Variants in PRKAR2A observed in about 807,000 individuals in gnomAD.
PRKAR2A encodes the protein cAMP-dependent protein kinase type II-alpha regulatory subunit.
Under a neutral mutation model 51.9 loss-of-function variants are expected in PRKAR2A, and 29 were observed. The observed-to-expected ratio is 0.56, with a 90% CI of 0.42 to 0.76. The LOEUF is 0.76. Among genes scored for constraint, PRKAR2A ranks in the 30% least tolerant of loss-of-function variants. The pLI is 0.00. For synonymous variants in PRKAR2A, 178 were observed against 186.2 expected, an observed-to-expected ratio of 0.96 and a Z score of 0.36; for missense variants, 445 against 512.1, an observed-to-expected ratio of 0.87 and a Z score of 1.26.
At chr3:48,838,716 T>C (rs1478199772) in intron 1 of PRKAR2A, among the ~76,000 whole-genome samples, 1 of 151,878 alleles carries the variant, frequency 6.6e-6, no homozygotes, top group Non-Finnish European at 1.5e-5. Flanking sequence ...CGATGGCTCA[T>C]GCCTGTAATC....
chr3:48,833,795 G>A (rs2083234238), intron 1 of PRKAR2A, among the ~76,000 whole-genome samples: 1 of 151,062 alleles, frequency 6.6e-6, no homozygotes, highest in South Asian at 2.1e-4. Context: ...CAGCACTTTG[G>A]GAGGCCAAGG....
At chr3:48,805,757 C>A (rs1023010006) in intron 2 of PRKAR2A, among the ~76,000 whole-genome samples, 10 of 152,204 alleles carry the variant, frequency 6.6e-5, no homozygotes, top group African/African-American at 2.2e-4. Context: ...TCTCCTGTAT[C>A]ATCCTATTGA....
intron 3 of PRKAR2A, among the ~76,000 whole-genome samples, chr3:48,792,951 G>A (rs1014147331): frequency 6.0e-5 from 9 of 150,820 alleles, no homozygotes; most frequent in Non-Finnish European, 1.2e-4. Context: ...ACAAACAAAC[G>A]TAATTTATGT....
At chr3:48,758,573 A>C (rs538155888) in intron 8 of PRKAR2A, among the ~76,000 whole-genome samples, 3 of 147,252 alleles carry the variant, frequency 2.0e-5, no homozygotes, top group Admixed American at 6.9e-5. Context: ...ACAGAGCAAG[A>C]CTGTCTCAAA....
At chr3:48,765,724 CAAAA>C (rs756566818) in intron 6 of PRKAR2A, among the ~76,000 whole-genome samples, 2 of 45,250 alleles carry the variant, frequency 4.4e-5, no homozygotes, top group African/African-American at 9.8e-5. Flanking sequence ...ACCCTCATTT[CAAAA>C]AAAAAAAAAA....
intron 1 of PRKAR2A, among the ~76,000 whole-genome samples, chr3:48,808,026 A>C (rs2082701652): frequency 6.6e-6 from 1 of 151,684 alleles, no homozygotes; most frequent in South Asian, 2.1e-4. Flanking sequence ...AAAGTAGTGA[A>C]ATTTTCTTTT....
At chr3:48,788,000 G>T (rs916726973) in intron 4 of PRKAR2A, among the ~76,000 whole-genome samples, 6 of 152,080 alleles carry the variant, frequency 3.9e-5, no homozygotes, top group African/African-American at 1.4e-4. Flanking sequence ...AGCCATTCAT[G>T]CGGTTTTAAA....
At position 48,766,408 on chromosome 3, in the gene PRKAR2A, A is replaced by C. The variant is rs376936635; in HGVS notation, c.697-1059T>G. Among the ~76,000 whole-genome samples the C allele has an allele frequency of 2.0e-5, 3 of 148,090 alleles. No individual in the cohort carries two copies. The East Asian group carries it at 6.1e-4, about 30-fold the overall frequency. ...CATGGTGAAACCCCATCTCTACAGA[A>C]AATACAAAAATTAGCTGGGCATGGT... On this transcript the variant is annotated intron_variant, in intron 6 of 10. Coordinates refer to ENST00000265563, the MANE Select transcript of PRKAR2A (RefSeq NM_004157.4).
chr3:48,787,702 T>C (rs1484625908), intron 4 of PRKAR2A, among the ~76,000 whole-genome samples: 1 of 152,218 alleles, frequency 6.6e-6, no homozygotes, highest in East Asian at 1.9e-4. Flanking sequence ...AGCCTTTCCT[T>C]GAGCTCATGG....
intron 1 of PRKAR2A, among the ~76,000 whole-genome samples, chr3:48,814,926 T>A (rs2082848542): frequency 6.6e-6 from 1 of 152,218 alleles, no homozygotes; most frequent in South Asian, 2.1e-4. Flanking sequence ...TTTGTTTTAT[T>A]TTTGAGACAG....
intron 1 of PRKAR2A, among the ~76,000 whole-genome samples, chr3:48,821,531 C>G (rs1449648386): frequency 2.0e-5 from 3 of 152,120 alleles, no homozygotes; most frequent in African/African-American, 7.2e-5. Flanking sequence ...ATTAAACAAC[C>G]AATTACAGTT....
At chr3:48,758,650 C>A (rs1441422455) in intron 8 of PRKAR2A, among the ~76,000 whole-genome samples, 2 of 150,290 alleles carry the variant, frequency 1.3e-5, no homozygotes, top group African/African-American at 4.9e-5. Context: ...GGTATGTGTA[C>A]AGGATAAGAA....
intron 6 of PRKAR2A, among the ~76,000 whole-genome samples, chr3:48,768,170 TGTG>T (rs1182906290): frequency 2.6e-5 from 4 of 151,404 alleles, no homozygotes; most frequent in Admixed American, 2.0e-4. Flanking sequence ...GGCGTGCACT[TGTG>T]GTCCCAGTTA....
intron 1 of PRKAR2A, among the ~76,000 whole-genome samples, chr3:48,835,396 C>A (rs529289921): frequency 6.6e-6 from 1 of 152,122 alleles, no homozygotes; most frequent in African/African-American, 2.4e-5. Context: ...AATCCCAGCA[C>A]TTTGGGAGGC....
At chr3:48,800,742 C>G (rs1313744259) in intron 2 of PRKAR2A, among the ~76,000 whole-genome samples, 1 of 151,862 alleles carries the variant, frequency 6.6e-6, no homozygotes, top group South Asian at 2.1e-4. Context: ...GCAATCTCCT[C>G]GGCTCACTGC....
intron 5 of PRKAR2A, among the ~76,000 whole-genome samples, chr3:48,781,270 GCCA>G (rs2082193094): frequency 6.6e-6 from 1 of 151,142 alleles, no homozygotes; most frequent in Non-Finnish European, 1.5e-5. Flanking sequence ...ACAGGTGTGA[GCCA>G]CCACGCCCAG....
Position 48,847,213 on chromosome 3 carries a change from A to T in PRKAR2A, c.262+122T>A. 1 of 1,259,708 alleles carries T rather than the reference A, an allele frequency of 7.9e-7. No homozygotes were observed. The highest frequency in any genetic ancestry group is 2.2e-4 in the Middle Eastern group (1 of 4,516). 78.0% of individuals were successfully genotyped at this position (1,259,708 alleles called of 1,614,324 possible). ...TCAGGGAAACGCTAGAAACGCGGCT[A>T]CAGAGCTCCCAATCCCAGCCTGCGG... On this transcript the variant is annotated intron_variant, in intron 1 of 10. Coordinates refer to ENST00000265563, the MANE Select transcript of PRKAR2A (RefSeq NM_004157.4). This position sits in a 1 kb window ranked among gnomAD's most constrained non-coding sequence, Gnocchi z 4.4.
intron 1 of PRKAR2A, among the ~76,000 whole-genome samples, chr3:48,821,126 G>C (rs2082952721): frequency 6.6e-6 from 1 of 152,190 alleles, no homozygotes; most frequent in Non-Finnish European, 1.5e-5. Flanking sequence ...CTCACAGAAA[G>C]AGAAAGAACG....
At chr3:48,771,378 C>T (rs1428932887) in intron 6 of PRKAR2A, among the ~76,000 whole-genome samples, 1 of 152,020 alleles carries the variant, frequency 6.6e-6, no homozygotes, top group African/African-American at 2.4e-5. Flanking sequence ...TGTGGTGGTG[C>T]ACACCTGTAG....
Sources: allele counts gnomAD v4.1 joint callset (sites outside exome capture counted in the v4.1 genomes callset), GRCh38; gene constraint gnomAD v4.1.1; non-coding constraint Gnocchi (gnomAD v3.1); transcripts MANE v1.5; gene names NCBI Gene and HGNC (gene_info 2026-07-23, HGNC 2026-07-21).